Variants in GRHL2 observed in about 807,000 individuals in gnomAD.
The protein encoded by GRHL2 is grainyhead-like protein 2 homolog.
GRHL2 carries 21 observed loss-of-function variants against 83.8 expected under a neutral mutation model. That is an observed-to-expected ratio of 0.25 (90% CI 0.18 to 0.36). The LOEUF (loss-of-function observed/expected upper bound fraction) is 0.36. GRHL2 is among the 10% of genes least tolerant of loss of function. The pLI is 1.00. For synonymous variants in GRHL2, 280 were observed against 278.9 expected, an observed-to-expected ratio of 1.00 and a Z score of -0.04; for missense variants, 623 against 781.8, an observed-to-expected ratio of 0.80 and a Z score of 2.42.
At chr8:101,495,343 C>G (rs1162572794) in intron 1 of GRHL2, among the ~76,000 whole-genome samples, 1 of 152,234 alleles carries the variant, frequency 6.6e-6, no homozygotes, top group African/African-American at 2.4e-5. Context: ...CAAGTCTGGA[C>G]TGAAGTAGCA....
chr8:101,509,217 G>C (rs893984364), intron 1 of GRHL2, among the ~76,000 whole-genome samples: 19 of 45,704 alleles, frequency 4.2e-4, no homozygotes, highest in Non-Finnish European at 1.1e-3. Context: ...TCTTGTGTGT[G>C]TGTGTGTGTG....
At chr8:101,632,129 G>C in intron 10 of GRHL2, 97 bp from the exon 11 acceptor site, 1 of 1,312,562 alleles carries the variant, frequency 7.6e-7, no homozygotes, top group Middle Eastern at 1.8e-4. Context: ...TATTCAGAAA[G>C]CTTCATATGA....
chr8:101,598,610 T>C (rs945884697), intron 7 of GRHL2, among the ~76,000 whole-genome samples: 12 of 144,368 alleles, frequency 8.3e-5, no homozygotes, highest in Admixed American at 2.8e-4. Context: ...TTTTTTTTTT[T>C]ACTAAAGTAC....
chr8:101,673,692 C>G (rs573293588), downstream of GRHL2, among the ~76,000 whole-genome samples: 48 of 152,128 alleles, frequency 3.2e-4, 1 homozygote, highest in African/African-American at 1.1e-3. Context: ...GAACTCAGCT[C>G]TGCACCAAGA....
At chr8:101,656,075 G>T (rs926899448) in intron 14 of GRHL2, among the ~76,000 whole-genome samples, 1 of 152,174 alleles carries the variant, frequency 6.6e-6, no homozygotes, top group Non-Finnish European at 1.5e-5. Context: ...GCCCACCCAC[G>T]TAAATAGCAT....
Position 101,668,936 on chromosome 8 carries a change from C to T in GRHL2, c.*2233C>T, listed in dbSNP as rs1208491836. ...CAGAAGATGAATTGAAGATGCTGTGCATGTTTCCTAAGTCCTTGAGCAATC... is the reference window on the plus strand; with the variant it reads ...CAGAAGATGAATTGAAGATGCTGTGTATGTTTCCTAAGTCCTTGAGCAATC... On this transcript the variant is annotated 3_prime_UTR_variant, in exon 16 of 16. Transcript: ENST00000646743. 1 of 152,230 alleles carries T rather than the reference C, an allele frequency of 6.6e-6. No individual in the cohort carries two copies. Among genetic ancestry groups the T allele is most frequent in the Non-Finnish European group, 1.5e-5 (1 of 68,046 alleles). The allele number at this position is 152,230 out of a possible 1,614,324, so 9.4% of individuals were successfully genotyped here. A position where few individuals can be genotyped will look rare whatever the true frequency, so the allele number is the denominator to read the frequency against.
At chr8:101,498,226 C>A (rs1268441753) in intron 1 of GRHL2, among the ~76,000 whole-genome samples, 4 of 152,214 alleles carry the variant, frequency 2.6e-5, no homozygotes, top group Non-Finnish European at 4.4e-5. Flanking sequence ...TCAAGAGATT[C>A]TCCTGCCTCA....
At chr8:101,587,374 A>G (rs1461737037) in intron 7 of GRHL2, among the ~76,000 whole-genome samples, 3 of 152,222 alleles carry the variant, frequency 2.0e-5, no homozygotes, top group African/African-American at 7.2e-5. Flanking sequence ...TCCTATAGAG[A>G]TACTGGTTTA....
At chr8:101,671,769 T>A (rs1476986604), downstream of GRHL2, among the ~76,000 whole-genome samples, 3 of 152,316 alleles carry the variant, frequency 2.0e-5, no homozygotes, top group East Asian at 3.9e-4. Context: ...CCAAGCAGCC[T>A]AACTGGGAGG....
At chr8:101,493,822 C>T (rs899431585) in intron 1 of GRHL2, among the ~76,000 whole-genome samples, 4 of 151,990 alleles carry the variant, frequency 2.6e-5, no homozygotes, top group Non-Finnish European at 5.9e-5. Flanking sequence ...GCGGCCGGAG[C>T]CGCCCGCGGG....
chr8:101,545,286 C>T (rs1811236501), intron 2 of GRHL2, among the ~76,000 whole-genome samples: 1 of 151,884 alleles, frequency 6.6e-6, no homozygotes, highest in South Asian at 2.1e-4. Context: ...TTGTGACCAC[C>T]CTCTTATGAA....
At chr8:101,652,114 G>T (rs1813634338) in intron 14 of GRHL2, among the ~76,000 whole-genome samples, 1 of 152,136 alleles carries the variant, frequency 6.6e-6, no homozygotes, top group African/African-American at 2.4e-5. Context: ...GTTTATTTGG[G>T]ATCTGGGTGG....
At chr8:101,500,430 C>T (rs1007604770) in intron 1 of GRHL2, among the ~76,000 whole-genome samples, 2 of 152,060 alleles carry the variant, frequency 1.3e-5, no homozygotes, top group African/African-American at 4.8e-5. Context: ...TTTCCATTAC[C>T]AGGAGAGCAC....
Position 101,552,780 on chromosome 8 carries a change from A to G in GRHL2, c.282A>G (p.Lys94=). The G allele has an allele frequency of 6.2e-7, 1 of 1,613,866 alleles. No homozygotes were observed. Among genetic ancestry groups the G allele is most frequent in the Non-Finnish European group, 8.5e-7 (1 of 1,179,856 alleles). ...KASDSQEDQE[K]RNCLGTSEAQ... is the part of the protein sequence containing the mutation. ...GTGACAGCCAAGAAGACCAGGAGAAAAGGTAAAGGAATTTGCCTGGCCCCC... is the reference window on the plus strand; with the variant it reads ...GTGACAGCCAAGAAGACCAGGAGAAGAGGTAAAGGAATTTGCCTGGCCCCC... Residue 94 remains lysine, a splice_region_variant and synonymous_variant, in exon 3 of 16, where the codon AAA becomes AAG. Transcript: ENST00000646743.
intron 12 of GRHL2, among the ~76,000 whole-genome samples, chr8:101,642,972 T>C (rs1436739790): frequency 1.3e-5 from 2 of 152,196 alleles, no homozygotes; most frequent in African/African-American, 2.4e-5. Flanking sequence ...TCCGGGCTCC[T>C]ACAGCAAATT....
intron 5 of GRHL2, 51 bp from the exon 6 acceptor site, chr8:101,573,617 G>A (rs1811871200): frequency 1.2e-6 from 2 of 1,609,992 alleles, no homozygotes; most frequent in Non-Finnish European, 1.7e-6. Context: ...GGTCAAAAGA[G>A]CAGAAATGTC....
chr8:101,492,574 C>A lies in GRHL2; in HGVS notation c.-196C>A. On this transcript the variant is annotated 5_prime_UTR_variant, in exon 1 of 16. Transcript: ENST00000646743. ...ATGTGAGGGGCCCCCCCTTATCCCA[C>A]CTTTCCGGCTAGGTGAGGGCGCGAG... 1.5e-6 allele frequency: 1 copy of A among 682,720 alleles called. No homozygotes were observed. The highest frequency in any genetic ancestry group is 2.7e-6 in the Non-Finnish European group (1 of 369,730). 42.3% of individuals were successfully genotyped at this position (682,720 alleles called of 1,614,324 possible).
intron 11 of GRHL2, among the ~76,000 whole-genome samples, chr8:101,634,389 A>C (rs1813245530): frequency 6.6e-6 from 1 of 152,190 alleles, no homozygotes; most frequent in African/African-American, 2.4e-5. Flanking sequence ...TTCTCAAAAA[A>C]GTTAGATGCC....
At chr8:101,504,322 A>G (rs921266022) in intron 1 of GRHL2, among the ~76,000 whole-genome samples, 3 of 152,254 alleles carry the variant, frequency 2.0e-5, no homozygotes, top group Non-Finnish European at 2.9e-5. Flanking sequence ...AAGTCCAATC[A>G]TTAAATCCAG....
Sources: allele counts gnomAD v4.1 joint callset (sites outside exome capture counted in the v4.1 genomes callset), GRCh38; gene constraint gnomAD v4.1.1; transcripts MANE v1.5; gene names NCBI Gene and HGNC (gene_info 2026-07-23, HGNC 2026-07-21).